SMIM36: variants seen among roughly 807,000 people sequenced by gnomAD.
SMIM36 encodes small integral membrane protein 36.
At chr17:55,512,364 G>A (rs866018169), upstream of SMIM36, among the ~76,000 whole-genome samples, 3 of 152,324 alleles carry the variant, frequency 2.0e-5, no homozygotes, top group Admixed American at 6.5e-5. Context: ...GCACTTGTGG[G>A]CCATACTCAG....
intron 1 of SMIM36, among the ~76,000 whole-genome samples, chr17:55,504,954 G>A (rs1180841898): frequency 7.4e-5 from 6 of 80,820 alleles, no homozygotes; most frequent in Admixed American, 1.1e-4. Context: ...ACACCTCTAC[G>A]CAAATAAACT....
At chr17:55,488,424 G>T (rs1012471511) in intron 1 of SMIM36, among the ~76,000 whole-genome samples, 1 of 152,166 alleles carries the variant, frequency 6.6e-6, no homozygotes, top group Non-Finnish European at 1.5e-5. Flanking sequence ...GCATAAAGAA[G>T]AACATTTTTA....
chr17:55,522,094 C>T, the SMIM36 span, among the ~76,000 whole-genome samples: 1 of 152,218 alleles, frequency 6.6e-6, no homozygotes, highest in Non-Finnish European at 1.5e-5. Context: ...ACTGCACAAG[C>T]TGGCTAACCT....
At chr17:55,524,347 C>T in the SMIM36 span, among the ~76,000 whole-genome samples, 10 of 152,220 alleles carry the variant, frequency 6.6e-5, no homozygotes, top group South Asian at 2.1e-4. Flanking sequence ...GGTGATTCCA[C>T]GTCTTTGCTA....
chr17:55,505,884 G>T (rs1489037253), intron 1 of SMIM36, among the ~76,000 whole-genome samples: 4 of 108,948 alleles, frequency 3.7e-5, no homozygotes, highest in Non-Finnish European at 1.7e-5. Flanking sequence ...AAAGTCTCAG[G>T]ATACAAAATA....
At chr17:55,460,447 C>CAAA (rs749476257) in intron 4 of SMIM36, among the ~76,000 whole-genome samples, 50 of 66,104 alleles carry the variant, frequency 7.6e-4, no homozygotes, top group African/African-American at 2.1e-3. Flanking sequence ...AAACAAAAAA[C>CAAA]AAAACAAAAA....
Position 55,501,846 on chromosome 17 carries a change from C to A in SMIM36, c.*174+9033G>T, listed in dbSNP as rs546891932. Among the ~76,000 whole-genome samples, 3 of 148,890 alleles carry A rather than the reference C, an allele frequency of 2.0e-5. No homozygotes were observed. The South Asian group carries it at 6.4e-4, about 32-fold the overall frequency. ...GTTCATCTCACTAGGGAGTGCCAGACGGTGGGCGCAGGCCAGTGGGTGCGC... is the reference window on the plus strand; with the variant it reads ...GTTCATCTCACTAGGGAGTGCCAGAAGGTGGGCGCAGGCCAGTGGGTGCGC... On this transcript the variant is annotated intron_variant, in intron 1 of 4. Transcript: ENST00000636752.
At chr17:55,530,134 G>T in the SMIM36 span, among the ~76,000 whole-genome samples, 1 of 152,222 alleles carries the variant, frequency 6.6e-6, no homozygotes, top group Non-Finnish European at 1.5e-5. Flanking sequence ...ATCCCCAGAA[G>T]GATCTCTAAA....
At chr17:55,453,913 A>G (rs1209386579) in intron 4 of SMIM36, 1 of 152,246 alleles carries the variant, frequency 6.6e-6, no homozygotes, top group Admixed American at 6.5e-5. Context: ...CTGATTCTCT[A>G]GGAAATATCT....
At chr17:55,520,187 T>C in the SMIM36 span, among the ~76,000 whole-genome samples, 1 of 152,208 alleles carries the variant, frequency 6.6e-6, no homozygotes, top group Non-Finnish European at 1.5e-5. Context: ...CTCCTCTGTG[T>C]GTGTAAAATC....
intron 1 of SMIM36, among the ~76,000 whole-genome samples, chr17:55,502,454 G>T (rs1325525777): frequency 9.5e-6 from 1 of 104,986 alleles, no homozygotes; most frequent in Non-Finnish European, 1.9e-5. Context: ...GCACCCCCCA[G>T]CAGGGGCACA....
chr17:55,520,484 G>T, the SMIM36 span, among the ~76,000 whole-genome samples: 6 of 152,038 alleles, frequency 3.9e-5, no homozygotes, highest in Non-Finnish European at 7.4e-5. Context: ...TGCACTTTGG[G>T]GCTAAGTAAA....
At chr17:55,495,270 C>T (rs189496007) in intron 1 of SMIM36, among the ~76,000 whole-genome samples, 134 of 152,300 alleles carry the variant, frequency 8.8e-4, no homozygotes, top group African/African-American at 3.1e-3. Context: ...AACTCACCCT[C>T]TGTATATTAA....
At chr17:55,517,279 G>A in the SMIM36 span, among the ~76,000 whole-genome samples, 2 of 152,200 alleles carry the variant, frequency 1.3e-5, no homozygotes, top group Non-Finnish European at 2.9e-5. Flanking sequence ...GGCCTGGCAT[G>A]TTCGCTCACA....
intron 1 of SMIM36, among the ~76,000 whole-genome samples, chr17:55,490,789 A>G (rs917409207): frequency 1.3e-5 from 2 of 152,218 alleles, no homozygotes; most frequent in African/African-American, 4.8e-5. Flanking sequence ...TACATACACT[A>G]TGATCATAAG....
chr17:55,489,758 T>A (rs1486093077), intron 1 of SMIM36, among the ~76,000 whole-genome samples: 2 of 152,212 alleles, frequency 1.3e-5, no homozygotes, highest in Non-Finnish European at 2.9e-5. Context: ...AGGCTGTAAA[T>A]TTTGCACATC....
At chr17:55,495,412 T>A (rs1453969095) in intron 1 of SMIM36, among the ~76,000 whole-genome samples, 1 of 152,200 alleles carries the variant, frequency 6.6e-6, no homozygotes, top group Non-Finnish European at 1.5e-5. Context: ...AACCATAACT[T>A]ATTACACTTT....
intron 4 of SMIM36, among the ~76,000 whole-genome samples, chr17:55,465,585 G>A (rs966666268): frequency 2.0e-5 from 3 of 152,198 alleles, no homozygotes; most frequent in South Asian, 2.1e-4. Flanking sequence ...AGTGGGATAT[G>A]CAGAGAAGAT....
intron 1 of SMIM36, among the ~76,000 whole-genome samples, chr17:55,508,833 G>A (rs1392228933): frequency 6.6e-6 from 1 of 151,202 alleles, no homozygotes; most frequent in Non-Finnish European, 1.5e-5. Context: ...TGAGGCAGGA[G>A]CATTGCTTGA....
Sources: allele counts gnomAD v4.1 joint callset (sites outside exome capture counted in the v4.1 genomes callset), GRCh38; gene constraint gnomAD v4.1.1; transcripts MANE v1.5; gene names NCBI Gene and HGNC (gene_info 2026-07-23, HGNC 2026-07-21).